CDH17: variants seen among roughly 807,000 people sequenced by gnomAD.
CDH17 encodes the protein cadherin-17.
CDH17 carries 67 observed loss-of-function variants against 86.3 expected under a neutral mutation model. The ratio of observed to expected loss-of-function variants is 0.78; its 90% CI spans 0.64 to 0.95. The LOEUF (loss-of-function observed/expected upper bound fraction) is 0.95. Among genes scored for constraint, CDH17 ranks in the 40% least tolerant of loss-of-function variants. CDH17 has a pLI of 0.00. For synonymous variants in CDH17, 367 were observed against 366.4 expected (o/e 1.00, Z -0.02); for missense variants, 993 against 1,017.6 (o/e 0.98, Z 0.33).
chr8:94,132,080 A>G (rs1029928539), intron 15 of CDH17, among the ~76,000 whole-genome samples: 1 of 152,142 alleles, frequency 6.6e-6, no homozygotes, highest in Non-Finnish European at 1.5e-5. Flanking sequence ...TCTATCATTG[A>G]TGGACATTTT....
chr8:94,170,851 C>T lies in CDH17; in HGVS notation c.915+3G>A, dbSNP rs1813255424. On this transcript the variant is annotated splice_donor_region_variant and intron_variant, in intron 8 of 17. Coordinates refer to ENST00000027335, the MANE Select transcript of CDH17 (RefSeq NM_004063.4). ...GCCTGTGAAACTCTTCTCTTTTACT[C>T]ACTGCATCCTTTTCTTCTCGGTCCA... The T allele has an allele frequency of 6.2e-7, 1 of 1,612,848 alleles. No individual in the cohort carries two copies. The highest frequency in any genetic ancestry group is 1.7e-5 in the Admixed American group (1 of 59,880).
chr8:94,165,814 A>C lies in CDH17; in HGVS notation c.1229T>G (p.Leu410Trp). The C allele has an allele frequency of 6.2e-7, 1 of 1,614,014 alleles. No homozygotes were observed. The highest frequency in any genetic ancestry group is 1.7e-5 in the Admixed American group (1 of 60,014). ...GTACTGAGGAGTATCTTGCTTCTTCAAGGACTGTTTAGCTAACTGTAACAT... is the reference window on the plus strand; with the variant it reads ...GTACTGAGGAGTATCTTGCTTCTTCCAGGACTGTTTAGCTAACTGTAACAT... ...AGMLQLAKQS[L>W]KKQDTPQYNL... Residue 410 changes from leucine to tryptophan, a missense_variant, in exon 10 of 18, where the codon TTG (leucine) becomes TGG (tryptophan). Coordinates refer to ENST00000027335, the MANE Select transcript of CDH17 (RefSeq NM_004063.4).
chr8:94,146,061 A>T lies in CDH17; in HGVS notation c.2034T>A (p.His678Gln), dbSNP rs765179581. 1.5e-5 allele frequency: 25 copies of T among 1,613,928 alleles called. 2 individuals carry two copies. The South Asian group carries it at 2.7e-4, about 18-fold the overall frequency. ...AKDYTGLFFC[H>Q]PLSAPGSLIF... is the part of the protein sequence containing the mutation. Reference sequence around the variant, plus strand: ...TGAGACTTCCAGGTGCACTGAGGGGATGGCAGAAGAACAAGCCCGTGTAGT... The same window carrying T: ...TGAGACTTCCAGGTGCACTGAGGGGTTGGCAGAAGAACAAGCCCGTGTAGT... The change falls in exon 15 of 18, where the codon CAT becomes CAA. Residue 678 changes from histidine (H) to glutamine (Q), a missense_variant. Transcript: ENST00000027335.
rs889277033 is a variant in CDH17 at position 94,127,954 on chromosome 8, A to C, written c.*286T>G. The stretch of plus-strand genomic sequence containing the variant: ...TTAAAAATACAAAAATTAGCTGGGC[A>C]TGGTGGTGGGTGCCTGTAAACCCAG... On this transcript the variant is annotated 3_prime_UTR_variant, in exon 18 of 18. Coordinates refer to ENST00000027335, the MANE Select transcript of CDH17 (RefSeq NM_004063.4). 1.0e-5 allele frequency: 3 copies of C among 295,228 alleles called. No individual in the cohort carries two copies. The highest frequency in any genetic ancestry group is 1.9e-5 in the Non-Finnish European group (3 of 157,652). The allele number at this position is 295,228 out of a possible 1,614,324, so 18.3% of individuals were successfully genotyped here.
At chr8:94,159,290 C>T (rs1460222414) in intron 12 of CDH17, among the ~76,000 whole-genome samples, 2 of 152,114 alleles carry the variant, frequency 1.3e-5, no homozygotes, top group African/African-American at 4.8e-5. Context: ...ATTATCCAGT[C>T]CTTACAGAGG....
chr8:94,170,693 C>T, intron 8 of CDH17, 146 bp from the exon 9 acceptor site: 1 of 1,324,504 alleles, frequency 7.5e-7, no homozygotes, highest in Non-Finnish European at 1.0e-6. Context: ...TGAGATGGGT[C>T]AGAATTATGT....
chr8:94,135,669 G>T (rs1292950753), intron 15 of CDH17, among the ~76,000 whole-genome samples: 1 of 152,088 alleles, frequency 6.6e-6, no homozygotes, highest in Admixed American at 6.5e-5. Context: ...GGTTAATATT[G>T]TTATGTGTGA....
chr8:94,186,963 T>G (rs1248494676), intron 3 of CDH17, among the ~76,000 whole-genome samples: 1 of 152,204 alleles, frequency 6.6e-6, no homozygotes, highest in Non-Finnish European at 1.5e-5. Flanking sequence ...TCTTGACAAG[T>G]GCACACCCCC....
chr8:94,170,943 T>A lies in CDH17; in HGVS notation c.826A>T (p.Lys276Ter). 6.2e-7 allele frequency: 1 copy of A among 1,613,880 alleles called. No individual in the cohort carries two copies. Among genetic ancestry groups the A allele is most frequent in the Non-Finnish European group, 8.5e-7 (1 of 1,179,830 alleles). The stretch of plus-strand genomic sequence containing the variant: ...AATGGGAATCTTGGCAGCTTCTCTT[T>A]GTCAACTAAGGAATATTGTGCACCG... The part of the protein sequence containing the change: ...DPGAQYSLVD[K>*]EKLPRFPFSI... Residue 276 changes from lysine to a stop codon, truncating the protein, a stop_gained, in exon 8 of 18, where the codon AAA becomes TAA. Coordinates refer to ENST00000027335, the MANE Select transcript of CDH17 (RefSeq NM_004063.4). LOFTEE classifies it high-confidence loss of function.
rs1554588325 is a variant in CDH17 at position 94,174,297 on chromosome 8, A to AAG, written c.425-38_425-37insCT. 3.4e-5 allele frequency: 52 copies of AAG among 1,516,410 alleles called. No homozygotes were observed. In the African/African-American group the frequency reaches 5.8e-4, roughly 17 times the overall value. 93.9% of individuals were successfully genotyped at this position (1,516,410 alleles called of 1,614,324 possible). A position where few individuals can be genotyped will look rare whatever the true frequency, so the allele number is the denominator to read the frequency against. On this transcript the variant is annotated intron_variant, in intron 5 of 17. Coordinates refer to ENST00000027335, the MANE Select transcript of CDH17 (RefSeq NM_004063.4). Reference sequence around the variant, plus strand: ...GACGTACCCAGAAAAAAAAAAAAAAAGATATTAATTGAAACCCAAACCAAC... The same window carrying AAG: ...GACGTACCCAGAAAAAAAAAAAAAAAAGGATATTAATTGAAACCCAAACCAAC...
At position 94,168,128 on chromosome 8, in the gene CDH17, A is replaced by G. The variant is rs1813196618; in HGVS notation, c.1067-2152T>C. On this transcript the variant is annotated intron_variant, in intron 9 of 17. Transcript: ENST00000027335. ...TATATATATATATATATATATATATATATATATATATATATATATATATAT... is the reference window on the plus strand; with the variant it reads ...TATATATATATATATATATATATATGTATATATATATATATATATATATAT... 3.1e-5 allele frequency among the ~76,000 whole-genome samples: 3 copies of G among 95,964 alleles called. No individual in the cohort carries two copies. In the Admixed American group the frequency reaches 3.3e-4, roughly 10 times the overall value. 63.0% of individuals were successfully genotyped at this position (95,964 alleles called of 152,430 possible). A position where few individuals can be genotyped will look rare whatever the true frequency, so the allele number is the denominator to read the frequency against.
At chr8:94,141,222 T>C (rs1000936514) in intron 15 of CDH17, among the ~76,000 whole-genome samples, 4 of 151,230 alleles carry the variant, frequency 2.6e-5, no homozygotes, top group Admixed American at 6.6e-5. Flanking sequence ...ACATAGTCAA[T>C]ACATGGAGAA....
intron 1 of CDH17, among the ~76,000 whole-genome samples, chr8:94,204,408 G>C (rs1238598344): frequency 6.6e-6 from 1 of 152,130 alleles, no homozygotes; most frequent in Non-Finnish European, 1.5e-5. Flanking sequence ...TTGGTTTTCT[G>C]TTCCTGTGTT....
rs2130558357 is a variant in CDH17, at chr8:94,127,796, T to C, written c.*444A>G. ...ATGGAAAAATGAAAAATCTCTCTAA[T>C]GTCTATAGCACATGAAATATCTAAG... is the stretch of plus-strand genomic sequence containing the variant. On this transcript the variant is annotated 3_prime_UTR_variant, in exon 18 of 18. Coordinates refer to ENST00000027335, the MANE Select transcript of CDH17 (RefSeq NM_004063.4). The C allele has an allele frequency of 6.5e-6, 1 of 154,630 alleles. No homozygotes were observed. The highest frequency in any genetic ancestry group is 2.4e-5 in the African/African-American group (1 of 41,614). The allele number at this position is 154,630 out of a possible 1,614,324, so 9.6% of individuals were successfully genotyped here.
Position 94,176,526 on chromosome 8 carries a change from GC to G in CDH17, c.424+14del. ...TTCCATCTTTCCATAAATATCTCTG[GC>G]CCCTGCCTGTTACCTGGGCGAGAGT... On this transcript the variant is annotated intron_variant, in intron 5 of 17. Coordinates refer to ENST00000027335, the MANE Select transcript of CDH17 (RefSeq NM_004063.4). The G allele has an allele frequency of 1.2e-6, 2 of 1,612,960 alleles. No homozygotes were observed. Among genetic ancestry groups the G allele is most frequent in the Non-Finnish European group, 1.7e-6 (2 of 1,179,318 alleles).
intron 12 of CDH17, among the ~76,000 whole-genome samples, chr8:94,159,182 C>T (rs1197300252): frequency 6.6e-6 from 1 of 152,058 alleles, no homozygotes; most frequent in African/African-American, 2.4e-5. Context: ...AGTCAAGATT[C>T]AGGTATACAT....
rs1025122106 is a variant in CDH17, at chr8:94,194,835, C to G, written c.-20-130G>C. 3.6e-5 allele frequency: 22 copies of G among 617,654 alleles called. No homozygotes were observed. In the Middle Eastern group the frequency reaches 1.3e-3, roughly 36 times the overall value. 38.3% of individuals were successfully genotyped at this position (617,654 alleles called of 1,614,324 possible). A position where few individuals can be genotyped will look rare whatever the true frequency, so the allele number is the denominator to read the frequency against. ...AAATGGTATCCCAAAAGGCCAGCCT[C>G]TCCTCTATATGGAGCAGCCCAGTCT... On this transcript the variant is annotated intron_variant, in intron 1 of 17. Transcript: ENST00000027335.
chr8:94,210,544 A>T (rs2129671648), upstream of CDH17, among the ~76,000 whole-genome samples: 1 of 152,316 alleles, frequency 6.6e-6, no homozygotes, highest in South Asian at 2.1e-4. Context: ...TTCCAGATTA[A>T]ATCCAAATGT....
intron 3 of CDH17, among the ~76,000 whole-genome samples, chr8:94,180,498 A>G (rs1460421345): frequency 6.6e-6 from 1 of 151,262 alleles, no homozygotes; most frequent in Non-Finnish European, 1.5e-5. Flanking sequence ...TTTGAAAGAT[A>G]GAGAATCTTA....
Sources: allele counts gnomAD v4.1 joint callset (sites outside exome capture counted in the v4.1 genomes callset), GRCh38; gene constraint gnomAD v4.1.1; transcripts MANE v1.5; gene names NCBI Gene and HGNC (gene_info 2026-07-23, HGNC 2026-07-21).